The following ASS1 variants were observed in gnomAD, a reference collection of about 807,000 sequenced individuals.
ASS1 encodes argininosuccinate synthase.
A neutral mutation model predicts 60.5 loss-of-function variants in ASS1; 58 were observed. That is an observed-to-expected ratio of 0.96 (90% CI 0.78 to 1.19). ASS1 has a LOEUF of 1.19. ASS1 is among the 50% of genes most tolerant of loss of function. ASS1 has a pLI of 0.00. For synonymous variants in ASS1, 200 were observed against 206.9 expected (o/e 0.97, Z 0.29); for missense variants, 454 against 547.3 (o/e 0.83, Z 1.70).
chr9:130,465,451 T>C lies in ASS1; in HGVS notation c.421-1274T>C, dbSNP rs1011680380. ...ATGTAAAAAAATAATTATTAATGTTTACATTCTTTTTTCTTCTGTGTTGAG... is the reference window on the plus strand; with the variant it reads ...ATGTAAAAAAATAATTATTAATGTTCACATTCTTTTTTCTTCTGTGTTGAG... On this transcript the variant is annotated intron_variant, in intron 5 of 14. Coordinates refer to ENST00000352480, the MANE Select transcript of ASS1 (RefSeq NM_054012.4). 2.6e-5 allele frequency among the ~76,000 whole-genome samples: 4 copies of C among 152,268 alleles called. No individual in the cohort carries two copies. The South Asian group carries it at 8.3e-4, about 32-fold the overall frequency.
At chr9:130,458,714 T>C in intron 4 of ASS1, 125 bp downstream of exon 4, 2 of 1,348,084 alleles carry the variant, frequency 1.5e-6, no homozygotes, top group African/African-American at 2.9e-5. Context: ...GGCAGCTACA[T>C]GGCTTTGTTT....
At position 130,459,439 on chromosome 9, in the gene ASS1, T is replaced by C. The variant is rs1011207621; in HGVS notation, c.363+850T>C. 6.6e-6 allele frequency among the ~76,000 whole-genome samples: 1 copy of C among 152,020 alleles called. No individual in the cohort carries two copies. Among genetic ancestry groups the C allele is most frequent in the African/African-American group, 2.4e-5 (1 of 41,408 alleles). On this transcript the variant is annotated intron_variant, in intron 4 of 14. Coordinates refer to ENST00000352480, the MANE Select transcript of ASS1 (RefSeq NM_054012.4). The surrounding 1 kb of genome is among the most constrained non-coding windows in gnomAD (Gnocchi z 4.6). Reference sequence around the variant, plus strand: ...AACTTGGTTACTTTTTGTGTGTGTGTGTGGGGGAGAGGGACAAAGTCTCAC... The same window carrying C: ...AACTTGGTTACTTTTTGTGTGTGTGCGTGGGGGAGAGGGACAAAGTCTCAC...
intron 6 of ASS1, among the ~76,000 whole-genome samples, chr9:130,469,221 G>A (rs889007576): frequency 6.6e-6 from 1 of 152,220 alleles, no homozygotes; most frequent in Admixed American, 6.5e-5. Context: ...CACAGGGTCC[G>A]GGTACCCATG....
chr9:130,452,449 C>A, intron 2 of ASS1, 116 bp downstream of exon 2: 1 of 838,540 alleles, frequency 1.2e-6, no homozygotes, highest in Non-Finnish European at 2.0e-6. Flanking sequence ...CTCATTCAAG[C>A]CTGGCCTCTT....
intron 13 of ASS1, among the ~76,000 whole-genome samples, chr9:130,495,470 T>TACACACACACACACACACAC (rs777921061): frequency 3.1e-5 from 4 of 130,508 alleles, no homozygotes; most frequent in African/African-American, 6.4e-5. Context: ...TACACATACA[T>TACACACACACACACACACAC]ATACACACAC....
chr9:130,481,660 G>A lies in ASS1; in HGVS notation c.838+1211G>A, dbSNP rs147984038. The stretch of plus-strand genomic sequence containing the variant: ...GCCTCAGTTTCCCCAAGTGTAATGC[G>A]GTAGGCGCTGGGAGTTGCATCACTC... On this transcript the variant is annotated intron_variant, in intron 11 of 14. Coordinates refer to ENST00000352480, the MANE Select transcript of ASS1 (RefSeq NM_054012.4). Among the ~76,000 whole-genome samples, 17 of 152,310 alleles carry A rather than the reference G, an allele frequency of 1.1e-4. No homozygotes were observed. In the East Asian group the frequency reaches 1.4e-3, roughly 12 times the overall value.
At chr9:130,462,153 C>T (rs1023331518) in intron 4 of ASS1, among the ~76,000 whole-genome samples, 1 of 152,168 alleles carries the variant, frequency 6.6e-6, no homozygotes, top group Non-Finnish European at 1.5e-5. Context: ...CTCCTCTCTC[C>T]CCCTAGTTTT....
At chr9:130,485,076 T>A (rs965164776) in intron 11 of ASS1, among the ~76,000 whole-genome samples, 25 of 152,090 alleles carry the variant, frequency 1.6e-4, no homozygotes, top group Non-Finnish European at 1.5e-5. Flanking sequence ...CTGCTCCCGG[T>A]GGCACTGGCC....
At chr9:130,493,292 T>TC (rs1260229685) in intron 12 of ASS1, among the ~76,000 whole-genome samples, 3 of 152,198 alleles carry the variant, frequency 2.0e-5, no homozygotes, top group Non-Finnish European at 4.4e-5. Flanking sequence ...GCACAGAGCA[T>TC]CATGTTCAAA....
At chr9:130,493,031 G>A (rs753161534) in intron 12 of ASS1, among the ~76,000 whole-genome samples, 52 of 152,158 alleles carry the variant, frequency 3.4e-4, no homozygotes, top group Admixed American at 5.9e-4. Flanking sequence ...CCTGTCTTCC[G>A]GCCTGGAAAC....
intron 1 of ASS1, among the ~76,000 whole-genome samples, chr9:130,449,342 G>GAAAAAAAAAA: frequency 1.1e-5 from 1 of 91,540 alleles, no homozygotes; most frequent in Non-Finnish European, 2.0e-5. Flanking sequence ...GACCCTGTCT[G>GAAAAAAAAAA]AAAAAAAAAA....
Position 130,501,002 on chromosome 9 carries a change from G to C in ASS1, c.1220G>C (p.Ser407Thr). Residue 407 changes from serine (S) to threonine (T), a missense_variant, in exon 15 of 15, where the codon AGC becomes ACC. Transcript: ENST00000352480. ...CTGAAGGAATATCATCGTCTCCAGA[G>C]CAAGGTCACTGCCAAATAGACCCGT... ...LRLKEYHRLQ[S>T]KVTAK The C allele has an allele frequency of 6.2e-7, 1 of 1,613,616 alleles. No homozygotes were observed. Among genetic ancestry groups the C allele is most frequent in the Non-Finnish European group, 8.5e-7 (1 of 1,179,950 alleles).
rs1007736642 is a variant in ASS1 at position 130,488,021 on chromosome 9, C to T, written c.839-1312C>T. On this transcript the variant is annotated intron_variant, in intron 11 of 14. Transcript: ENST00000352480. This position sits in a 1 kb window ranked among gnomAD's most constrained non-coding sequence, Gnocchi z 5.2. ...CCACCTGCCTCGGCCTCCCAAAGTG[C>T]TAGAATTATTACAGTCATGAGCCAC... Among the ~76,000 whole-genome samples the T allele has an allele frequency of 6.6e-6, 1 of 152,116 alleles. No individual in the cohort carries two copies. Among genetic ancestry groups the T allele is most frequent in the Non-Finnish European group, 1.5e-5 (1 of 68,016 alleles).
At chr9:130,456,442 G>A (rs916356475) in intron 3 of ASS1, among the ~76,000 whole-genome samples, 3 of 151,794 alleles carry the variant, frequency 2.0e-5, no homozygotes, top group Non-Finnish European at 4.4e-5. Flanking sequence ...CTCCATCCTG[G>A]GCAACAACAG....
In ASS1 at chr9:130,478,090, G is replaced by A. The variant is rs1846069468; in HGVS notation, c.688+1129G>A. On this transcript the variant is annotated intron_variant, in intron 9 of 14. Coordinates refer to ENST00000352480, the MANE Select transcript of ASS1 (RefSeq NM_054012.4). This position sits in a 1 kb window ranked among gnomAD's most constrained non-coding sequence, Gnocchi z 4.7. Reference sequence around the variant, plus strand: ...CTCACAGGTGCCCGGCATGGTATGTGGAATGGGGTGTCGGAGGCTAAGTGC... The same window carrying A: ...CTCACAGGTGCCCGGCATGGTATGTAGAATGGGGTGTCGGAGGCTAAGTGC... Among the ~76,000 whole-genome samples the A allele has an allele frequency of 6.6e-6, 1 of 152,206 alleles. No homozygotes were observed.
intron 13 of ASS1, among the ~76,000 whole-genome samples, chr9:130,499,180 C>T (rs986071033): frequency 2.0e-4 from 31 of 152,220 alleles, no homozygotes; most frequent in African/African-American, 7.5e-4. Flanking sequence ...TACCCATTTA[C>T]AGACAGAGTG....
chr9:130,483,677 GCCGCTCTCCCCTCT>G (rs1196526397), intron 11 of ASS1, among the ~76,000 whole-genome samples: 1 of 146,366 alleles, frequency 6.8e-6, no homozygotes. Context: ...GACTTCTCCC[GCCGCTCTCCCCTCT>G]CCGCTCTCCT....
At chr9:130,458,726 G>A (rs373149630) in intron 4 of ASS1, 137 bp downstream of exon 4, 30 of 1,245,274 alleles carry the variant, frequency 2.4e-5, no homozygotes, top group East Asian at 1.8e-4. Flanking sequence ...GCTTTGTTTA[G>A]ACCCCAATGA....
chr9:130,477,893 C>T lies in ASS1; in HGVS notation c.688+932C>T, dbSNP rs1000924329. 8.5e-5 allele frequency among the ~76,000 whole-genome samples: 13 copies of T among 152,118 alleles called. No individual in the cohort carries two copies. The highest frequency in any genetic ancestry group is 1.9e-4 in the African/African-American group (8 of 41,416). On this transcript the variant is annotated intron_variant, in intron 9 of 14. Transcript: ENST00000352480. This position sits in a 1 kb window ranked among gnomAD's most constrained non-coding sequence, Gnocchi z 4.2. ...AGAGGCCTGGCCCGGCTCTGGCGCT[C>T]GGCTCTTACCCCGGCTACCACAGAA...
Sources: gnomAD v4.1 joint callset for allele counts (sites outside exome capture counted in the v4.1 genomes callset) on GRCh38, gnomAD v4.1.1 for gene constraint, Gnocchi (gnomAD v3.1) non-coding constraint, MANE v1.5 for transcripts, NCBI Gene and HGNC (gene_info 2026-07-23, HGNC 2026-07-21) for gene names.